Variants in LARP4 observed in about 807,000 individuals in gnomAD.
LARP4 encodes La ribonucleoprotein 4, also known as la-related protein 4.
LARP4 carries 29 observed loss-of-function variants against 92.9 expected under a neutral mutation model. The ratio of observed to expected loss-of-function variants is 0.31; its 90% CI spans 0.23 to 0.43. LARP4 has a LOEUF of 0.43. Among genes scored for constraint, LARP4 ranks in the 20% least tolerant of loss-of-function variants. The pLI, the probability that LARP4 is intolerant of heterozygous loss-of-function variation, is 1.00. For missense variants in LARP4, 732 were observed against 860.0 expected (o/e 0.85, Z 1.86); for synonymous variants, 279 against 284.1 (o/e 0.98, Z 0.18).
intron 10 of LARP4, among the ~76,000 whole-genome samples, chr12:50,455,873 A>G (rs983657181): frequency 5.3e-5 from 8 of 152,174 alleles, no homozygotes; most frequent in South Asian, 2.1e-4. Context: ...ATGACGAAAC[A>G]TCATCTCTAC....
chr12:50,461,899 A>G (rs905857903), intron 11 of LARP4, among the ~76,000 whole-genome samples: 1 of 152,164 alleles, frequency 6.6e-6, no homozygotes, highest in Non-Finnish European at 1.5e-5. Context: ...CAGAGGTTGC[A>G]GTGAGCCAAG....
intron 10 of LARP4, among the ~76,000 whole-genome samples, chr12:50,460,375 A>G (rs887158247): frequency 2.0e-5 from 3 of 152,164 alleles, no homozygotes; most frequent in African/African-American, 4.8e-5. Flanking sequence ...ATGCCTGTGC[A>G]TGAATTCAGT....
chr12:50,423,227 C>CT (rs1421090167), intron 1 of LARP4, among the ~76,000 whole-genome samples: 1 of 151,956 alleles, frequency 6.6e-6, no homozygotes, highest in Non-Finnish European at 1.5e-5. Flanking sequence ...TTTTCTTAGT[C>CT]TTTTTAGGTT....
rs561048841 is a variant in LARP4, at chr12:50,459,878, C to G, written c.1122-1257C>G. Among the ~76,000 whole-genome samples, 387 of 149,286 alleles carry G rather than the reference C, an allele frequency of 2.6e-3. 1 individual carries two copies. Among genetic ancestry groups the G allele is most frequent in the Non-Finnish European group, 4.4e-3 (298 of 67,690 alleles). ...TATAGGCCAGGTGTGATGGCTCATG[C>G]CTGTAATCCCGACACTTTGGGAGGC... On this transcript the variant is annotated intron_variant, in intron 10 of 15. Coordinates refer to ENST00000398473, the MANE Select transcript of LARP4 (RefSeq NM_052879.5).
chr12:50,427,954 T>C (rs1297111695), intron 2 of LARP4, 45 bp downstream of exon 2: 3 of 1,430,820 alleles, frequency 2.1e-6, no homozygotes, highest in East Asian at 4.7e-5. Flanking sequence ...TTTGGTTAAA[T>C]GTATGGCCAA....
At chr12:50,438,845 G>C (rs990645010) in intron 6 of LARP4, among the ~76,000 whole-genome samples, 4 of 152,150 alleles carry the variant, frequency 2.6e-5, no homozygotes, top group Admixed American at 2.6e-4. Context: ...AGAGCTTCAT[G>C]TTAAGTTGCC....
intron 8 of LARP4, among the ~76,000 whole-genome samples, chr12:50,442,949 C>G (rs1343937257): frequency 1.3e-5 from 2 of 152,288 alleles, no homozygotes; most frequent in South Asian, 4.1e-4. Flanking sequence ...TCTACTTCCT[C>G]TGTCTATGAT....
chr12:50,418,189 C>T (rs1947171089), intron 1 of LARP4, among the ~76,000 whole-genome samples: 1 of 151,924 alleles, frequency 6.6e-6, no homozygotes, highest in Admixed American at 6.6e-5. Flanking sequence ...TAGAGAGTGT[C>T]AGTGTTTCAC....
At chr12:50,457,475 G>A (rs1954525930) in intron 10 of LARP4, among the ~76,000 whole-genome samples, 1 of 152,062 alleles carries the variant, frequency 6.6e-6, no homozygotes, top group African/African-American at 2.4e-5. Context: ...CCAGAGTGCT[G>A]GCATTATAGG....
chr12:50,451,431 C>A (rs1412895194), intron 8 of LARP4, among the ~76,000 whole-genome samples: 1 of 152,168 alleles, frequency 6.6e-6, no homozygotes, highest in Non-Finnish European at 1.5e-5. Context: ...GGCATGGTGG[C>A]TCATGCCTGT....
chr12:50,460,953 C>T (rs773076318), intron 10 of LARP4, among the ~76,000 whole-genome samples, 182 bp from the exon 11 acceptor site: 7 of 152,058 alleles, frequency 4.6e-5, no homozygotes, highest in Non-Finnish European at 7.4e-5. Flanking sequence ...AAAAAGTTTA[C>T]GTCACTTTTT....
In LARP4 at chr12:50,462,562, C is replaced by T. The variant is rs531687103; in HGVS notation, c.1335-20C>T. The T allele has an allele frequency of 6.9e-7, 1 of 1,454,606 alleles. No homozygotes were observed. The highest frequency in any genetic ancestry group is 1.9e-5 in the Admixed American group (1 of 53,022). The allele number at this position is 1,454,606 out of a possible 1,614,324, so 90.1% of individuals were successfully genotyped here. On this transcript the variant is annotated intron_variant, in intron 11 of 15. Coordinates refer to ENST00000398473, the MANE Select transcript of LARP4 (RefSeq NM_052879.5). ...TTGTCCCTCCACCCCACCCCACCCC[C>T]ACCTTTTTCTTATTAAAAGGAGAAC...
chr12:50,431,552 G>C (rs750808770), intron 4 of LARP4, among the ~76,000 whole-genome samples: 1 of 151,856 alleles, frequency 6.6e-6, no homozygotes, highest in Non-Finnish European at 1.5e-5. Flanking sequence ...CTTATTTACA[G>C]ATAAGAATAA....
rs369009759 is a variant in LARP4, at chr12:50,425,895, C to G, written c.19-1867C>G. On this transcript the variant is annotated intron_variant, in intron 1 of 15. Coordinates refer to ENST00000398473, the MANE Select transcript of LARP4 (RefSeq NM_052879.5). ...CCTCAGCTTCTCTTTCCAACCTCCC[C>G]TTGCCCATTTCCTCCTTCTTCCCCT... Among the ~76,000 whole-genome samples the G allele has an allele frequency of 7.9e-5, 12 of 152,282 alleles. No individual in the cohort carries two copies. The South Asian group carries it at 2.1e-3, about 26-fold the overall frequency.
rs1565986674 is a variant in LARP4 at position 50,426,709 on chromosome 12, GT to G, written c.19-1052del. ...GGTGTGTGTGTGTGTGTGTGTGTGT[GT>G]GTGTGTGTGTGTGTGTGTGTGGTTT... On this transcript the variant is annotated intron_variant, in intron 1 of 15. Transcript: ENST00000398473. Among the ~76,000 whole-genome samples the G allele has an allele frequency of 1.5e-3, 205 of 139,796 alleles. 2 individuals carry two copies. The highest frequency in any genetic ancestry group is 5.2e-3 in the African/African-American group (188 of 35,948). 91.7% of individuals were successfully genotyped at this position (139,796 alleles called of 152,430 possible).
intron 1 of LARP4, among the ~76,000 whole-genome samples, chr12:50,403,337 A>C (rs993053602): frequency 6.6e-6 from 1 of 152,242 alleles, no homozygotes; most frequent in Non-Finnish European, 1.5e-5. Context: ...AATTCTTTAA[A>C]TGTTAATGGC....
chr12:50,434,215 T>A (rs1388803831), intron 4 of LARP4, among the ~76,000 whole-genome samples: 1 of 152,082 alleles, frequency 6.6e-6, no homozygotes, highest in African/African-American at 2.4e-5. Flanking sequence ...AGGGGCCTTA[T>A]AAGCAAAAAC....
chr12:50,450,424 C>G (rs1952979623), intron 8 of LARP4, among the ~76,000 whole-genome samples: 1 of 152,126 alleles, frequency 6.6e-6, no homozygotes, highest in Non-Finnish European at 1.5e-5. Context: ...GTCATTGTTT[C>G]TAAGCTTTTT....
intron 1 of LARP4, 42 bp from the exon 2 acceptor site, chr12:50,427,720 T>C (rs777810028): frequency 2.3e-6 from 3 of 1,296,368 alleles, no homozygotes; most frequent in Non-Finnish European, 3.1e-6. Flanking sequence ...ATTTTCATGC[T>C]CTGATTTTAA....
Sources: gnomAD v4.1 joint callset for allele counts (sites outside exome capture counted in the v4.1 genomes callset) on GRCh38, gnomAD v4.1.1 for gene constraint, MANE v1.5 for transcripts, NCBI Gene and HGNC (gene_info 2026-07-23, HGNC 2026-07-21) for gene names.